RYR1: variants seen among roughly 807,000 people sequenced by gnomAD.
RYR1 encodes the protein central core disease of muscle.
RYR1 carries 342 observed loss-of-function variants against 583.5 expected under a neutral mutation model. That is an observed-to-expected ratio of 0.59 (90% CI 0.54 to 0.64). RYR1 has a LOEUF of 0.64. Among genes scored for constraint, RYR1 ranks in the 30% least tolerant of loss-of-function variants. RYR1 has a pLI of 0.00. For synonymous variants in RYR1, 2,791 were observed against 2,822.5 expected (o/e 0.99, Z 0.35); for missense variants, 6,032 against 6,917.2 (o/e 0.87, Z 4.54).
At chr19:38,527,904 G>A in intron 73 of RYR1, 120 bp downstream of exon 73, 1 of 1,224,968 alleles carries the variant, frequency 8.2e-7, no homozygotes, top group Non-Finnish European at 1.2e-6. Flanking sequence ...CAGGGCAGGA[G>A]GTGGAGCCTC....
intron 94 of RYR1, among the ~76,000 whole-genome samples, chr19:38,571,301 T>G (rs926644996): frequency 9.9e-5 from 15 of 152,110 alleles, no homozygotes; most frequent in African/African-American, 3.6e-4. Context: ...AACTCCCTCA[T>G]CTGTAAAATG....
chr19:38,527,059 C>A lies in RYR1; in HGVS notation c.10686+7C>A, dbSNP rs1256380042. 2.5e-6 allele frequency: 4 copies of A among 1,613,596 alleles called. No homozygotes were observed. In the African/African-American group the frequency reaches 5.3e-5, roughly 22 times the overall value. ...CCTTCACCTTCAGGGAAAGGTATGC[C>A]TCCTTCCTCTGCAAGCAAAAGAAGC... On this transcript the variant is annotated splice_region_variant and intron_variant, in intron 72 of 105. Coordinates refer to ENST00000359596, the MANE Select transcript of RYR1 (RefSeq NM_000540.3).
At chr19:38,541,667 G>T (rs1206544577) in intron 84 of RYR1, among the ~76,000 whole-genome samples, 7 of 152,016 alleles carry the variant, frequency 4.6e-5, no homozygotes, top group Non-Finnish European at 1.0e-4. Flanking sequence ...AGTGAACTGA[G>T]ATCATGCCAC....
In RYR1 at chr19:38,586,199, GAC is replaced by G. The variant is rs774310395; in HGVS notation, c.14969+13_14969+14del. ...CAACCTGGCCAATTACATGTGAGCA[GAC>G]ACACTGGCCAGTCAGGAGGGTGGGG... On this transcript the variant is annotated intron_variant, in intron 104 of 105. Coordinates refer to ENST00000359596, the MANE Select transcript of RYR1 (RefSeq NM_000540.3). 1 of 1,612,586 alleles carries G rather than the reference GAC, an allele frequency of 6.2e-7. No individual in the cohort carries two copies. The highest frequency in any genetic ancestry group is 1.1e-5 in the South Asian group (1 of 90,990).
At chr19:38,456,025 G>A (rs370657670) in intron 16 of RYR1, among the ~76,000 whole-genome samples, 98 of 144,574 alleles carry the variant, frequency 6.8e-4, no homozygotes, top group South Asian at 6.8e-3. Flanking sequence ...AGACTGGAGT[G>A]TAGTGGCGCT....
chr19:38,443,922 CAG>C (rs1402325681), intron 5 of RYR1, 126 bp downstream of exon 5: 5 of 927,466 alleles, frequency 5.4e-6, no homozygotes, highest in East Asian at 5.1e-5. Flanking sequence ...GGCTTCGTAG[CAG>C]AGAGTCTGCG....
chr19:38,459,375 A>G (rs777687872), intron 19 of RYR1, 37 bp downstream of exon 19: 1 of 1,587,450 alleles, frequency 6.3e-7, no homozygotes, highest in Non-Finnish European at 8.6e-7. Context: ...CAGTCCTCAG[A>G]CCTAGGACTG....
chr19:38,546,400 G>C, intron 87 of RYR1, 45 bp from the exon 88 acceptor site: 2 of 1,533,458 alleles, frequency 1.3e-6, no homozygotes, highest in Non-Finnish European at 1.8e-6. Context: ...CAGAGGTGGG[G>C]GAGGTGTATG....
At chr19:38,487,458 ATT>A (rs1969351267) in intron 34 of RYR1, among the ~76,000 whole-genome samples, 1 of 151,232 alleles carries the variant, frequency 6.6e-6, no homozygotes, top group Admixed American at 6.6e-5. Flanking sequence ...TGTTCAAGAG[ATT>A]CTTCTGCCTC....
At chr19:38,525,724 C>T (rs1055183654) in intron 71 of RYR1, among the ~76,000 whole-genome samples, 2 of 151,908 alleles carry the variant, frequency 1.3e-5, no homozygotes, top group Admixed American at 1.3e-4. Context: ...CACCACAGAC[C>T]TAAGAGCCCT....
At position 38,502,542 on chromosome 19, in the gene RYR1, G is replaced by A. The variant is rs367825019; in HGVS notation, c.7650G>A (p.Leu2550=). The A allele has an allele frequency of 4.0e-5, 64 of 1,610,464 alleles. No individual in the cohort carries two copies. The African/African-American group carries it at 8.2e-4, about 21-fold the overall frequency. The part of the protein sequence containing the change: ...TFSTTEMALA[L]NRYLCLAVLP... Reference sequence around the variant, plus strand: ...GCACCACCGAGATGGCGCTGGCGCTGAACCGCTACCTGTGCCTGGCCGTGC... The same window carrying A: ...GCACCACCGAGATGGCGCTGGCGCTAAACCGCTACCTGTGCCTGGCCGTGC... Residue 2550 remains leucine (L), a synonymous_variant, in exon 48 of 106, where the codon CTG becomes CTA. Transcript: ENST00000359596.
intron 13 of RYR1, among the ~76,000 whole-genome samples, chr19:38,453,762 G>C (rs1208744520): frequency 1.3e-5 from 2 of 152,022 alleles, no homozygotes; most frequent in African/African-American, 4.8e-5. Context: ...AGGTGGGCGG[G>C]TGTTTGGCAT....
At chr19:38,484,541 G>C (rs1969186491) in intron 33 of RYR1, among the ~76,000 whole-genome samples, 2 of 151,660 alleles carry the variant, frequency 1.3e-5, no homozygotes, top group South Asian at 4.2e-4. Context: ...AGTATTCCAG[G>C]CTGGAGACAC....
In RYR1 at chr19:38,543,872, T is replaced by A. The variant is rs1350040204; in HGVS notation, c.12009T>A (p.Ala4003=). 1 of 1,612,912 alleles carries A rather than the reference T, an allele frequency of 6.2e-7. No homozygotes were observed. Among genetic ancestry groups the A allele is most frequent in the South Asian group, 1.1e-5 (1 of 90,990 alleles). The change falls in exon 87 of 106, where the codon GCT becomes GCA. Residue 4003 remains alanine (A), a synonymous_variant. Transcript: ENST00000359596. The surrounding 1 kb of genome is among the most constrained non-coding windows in gnomAD (Gnocchi z 4.4). ...TCGCCCACATGATGATGAAGCTCGC[T>A]CAGGTTCGAGCCCCTCTGGTCTCCA... is the stretch of plus-strand genomic sequence containing the variant. ...HVFAHMMMKL[A]QDSSQIELLK...
At chr19:38,494,845 A>G (rs1056573383) in intron 39 of RYR1, among the ~76,000 whole-genome samples, 1 of 88,778 alleles carries the variant, frequency 1.1e-5, no homozygotes, top group South Asian at 3.9e-4. Context: ...GACATTCCCC[A>G]CCCCCCCCTT....
chr19:38,586,847 T>A (rs1974513991), intron 105 of RYR1, among the ~76,000 whole-genome samples: 1 of 152,190 alleles, frequency 6.6e-6, no homozygotes, highest in Admixed American at 6.6e-5. Flanking sequence ...TGTGCATGCC[T>A]GTAATCCCAG....
rs1973671717 is a variant in RYR1 at position 38,570,602 on chromosome 19, C to T, written c.13660-5C>T. 1 of 1,612,786 alleles carries T rather than the reference C, an allele frequency of 6.2e-7. No individual in the cohort carries two copies. Among genetic ancestry groups the T allele is most frequent in the Non-Finnish European group, 8.5e-7 (1 of 1,178,784 alleles). On this transcript the variant is annotated splice_polypyrimidine_tract_variant and splice_region_variant and intron_variant, in intron 93 of 105. Coordinates refer to ENST00000359596, the MANE Select transcript of RYR1 (RefSeq NM_000540.3). ...CGCTTTCTCTCTTTTTCTCTTCTCT[C>T]TCAGAACTACCTGTCCCGGAACTTT...
chr19:38,562,781 G>A (rs1973209576), intron 90 of RYR1, among the ~76,000 whole-genome samples: 1 of 152,300 alleles, frequency 6.6e-6, no homozygotes, highest in African/African-American at 2.4e-5. Context: ...CGTCCACCGT[G>A]CACACTGAGC....
At chr19:38,514,095 T>G (rs567022247) in intron 63 of RYR1, among the ~76,000 whole-genome samples, 1 of 152,146 alleles carries the variant, frequency 6.6e-6, no homozygotes, top group African/African-American at 2.4e-5. Context: ...TTTTGCCTCA[T>G]GATGAGCTTC....
Sources: allele counts gnomAD v4.1 joint callset (sites outside exome capture counted in the v4.1 genomes callset), GRCh38; gene constraint gnomAD v4.1.1; non-coding constraint Gnocchi (gnomAD v3.1); transcripts MANE v1.5; gene names NCBI Gene and HGNC (gene_info 2026-07-23, HGNC 2026-07-21).